Variants in GLB1L3 observed in about 807,000 individuals in gnomAD.
GLB1L3 encodes beta-galactosidase-1-like protein 3.
GLB1L3 carries 89 observed loss-of-function variants against 89.5 expected under a neutral mutation model. The observed-to-expected ratio is 0.99, with a 90% CI of 0.84 to 1.19. The LOEUF is 1.19. Among genes scored for constraint, GLB1L3 ranks in the 50% most tolerant of loss-of-function variants. The pLI is 0.00. For missense variants in GLB1L3, 812 were observed against 813.3 expected (o/e 1.00, Z 0.02); for synonymous variants, 314 against 312.3 (o/e 1.01, Z -0.06).
chr11:134,283,531 C>T (rs1472498791), intron 5 of GLB1L3, among the ~76,000 whole-genome samples: 6 of 152,126 alleles, frequency 3.9e-5, no homozygotes, highest in East Asian at 1.9e-4. Flanking sequence ...GAGGTGGAGG[C>T]GGCCGTTTCC....
intron 10 of GLB1L3, 102 bp from the exon 11 acceptor site, chr11:134,309,524 A>G (rs374724414): frequency 1.3e-6 from 1 of 758,388 alleles, no homozygotes. Context: ...GAGTTACTGT[A>G]ACTGATTGTG....
At chr11:134,283,062 C>A (rs1940785262) in intron 5 of GLB1L3, among the ~76,000 whole-genome samples, 1 of 152,040 alleles carries the variant, frequency 6.6e-6, no homozygotes, top group African/African-American at 2.4e-5. Context: ...TTTCTGTCCC[C>A]AAGAATTTTT....
intron 4 of GLB1L3, among the ~76,000 whole-genome samples, chr11:134,281,758 A>G (rs1335273817): frequency 8.0e-6 from 1 of 124,864 alleles, no homozygotes; most frequent in East Asian, 2.4e-4. Context: ...TAGGCTAGCA[A>G]GGCTATGGGG....
At chr11:134,285,503 T>C (rs1011636530) in intron 6 of GLB1L3, among the ~76,000 whole-genome samples, 1 of 151,864 alleles carries the variant, frequency 6.6e-6, no homozygotes, top group Non-Finnish European at 1.5e-5. Flanking sequence ...ATCTAGATTA[T>C]GGCCTGGCAT....
chr11:134,315,640 G>A (rs1469125625), intron 18 of GLB1L3, among the ~76,000 whole-genome samples: 3 of 152,010 alleles, frequency 2.0e-5, no homozygotes, highest in African/African-American at 2.4e-5. Flanking sequence ...TGGTAGTAAC[G>A]TTCCCCTTGT....
chr11:134,310,366 A>T (rs1942663580), intron 11 of GLB1L3: 1 of 575,468 alleles, frequency 1.7e-6, no homozygotes, highest in South Asian at 2.3e-5. Flanking sequence ...GCCCAGTGTC[A>T]TGGCTTGACA....
chr11:134,313,775 CAT>C (rs1480424978), intron 16 of GLB1L3, among the ~76,000 whole-genome samples, 164 bp from the exon 17 acceptor site: 1 of 152,244 alleles, frequency 6.6e-6, no homozygotes, highest in Admixed American at 6.5e-5. Flanking sequence ...AGTGTGGAAA[CAT>C]ACAGCTAGAA....
rs536133351 is a variant in GLB1L3 at position 134,299,924 on chromosome 11, A to C, written c.876+6715A>C. Among the ~76,000 whole-genome samples the C allele has an allele frequency of 6.6e-5, 10 of 152,138 alleles. No individual in the cohort carries two copies. In the South Asian group the frequency reaches 1.9e-3, roughly 28 times the overall value. The stretch of plus-strand genomic sequence containing the variant: ...ATGCAATGGATTTTATCCAGTTAAG[A>C]TGTCCTTAAGTGACAGCTTCTGTGC... On this transcript the variant is annotated intron_variant, in intron 9 of 19. Coordinates refer to ENST00000431683, the MANE Select transcript of GLB1L3 (RefSeq NM_001080407.3).
At chr11:134,308,208 CCACCACCATCACCAT>C (rs1565412319) in intron 10 of GLB1L3, among the ~76,000 whole-genome samples, 5 of 27,222 alleles carry the variant, frequency 1.8e-4, no homozygotes, top group African/African-American at 6.2e-4. Flanking sequence ...ACCACTACCA[CCACCACCATCACCAT>C]CACCACCACC....
rs1015163813 is a variant in GLB1L3, at chr11:134,319,103, C to T, written c.*161C>T. On this transcript the variant is annotated 3_prime_UTR_variant, in exon 20 of 20. Transcript: ENST00000431683. ...CCCAGCAGCTGGGACTACAGGTGCA[C>T]GCCACCACGCCTGGCTAATTTTTTG... The T allele has an allele frequency of 9.5e-5, 56 of 587,806 alleles. 1 individual carries two copies. Among genetic ancestry groups the T allele is most frequent in the African/African-American group, 5.4e-4 (29 of 53,390 alleles). 36.4% of individuals were successfully genotyped at this position (587,806 alleles called of 1,614,324 possible).
Position 134,277,309 on chromosome 11 carries a change from G to T in GLB1L3, c.24-17G>T. 6.2e-7 allele frequency: 1 copy of T among 1,613,800 alleles called. No individual in the cohort carries two copies. Among genetic ancestry groups the T allele is most frequent in the Non-Finnish European group, 8.5e-7 (1 of 1,179,868 alleles). ...CCGGAACCTTCCCCTTGTCACTGTT[G>T]TCCTTTCTCCTTTCAGCCCGTGTCT... On this transcript the variant is annotated splice_polypyrimidine_tract_variant and intron_variant, in intron 1 of 19. Coordinates refer to ENST00000431683, the MANE Select transcript of GLB1L3 (RefSeq NM_001080407.3).
Position 134,314,184 on chromosome 11 carries a change from T to C in GLB1L3, c.1668-146T>C, listed in dbSNP as rs952290881. On this transcript the variant is annotated intron_variant, in intron 17 of 19. Coordinates refer to ENST00000431683, the MANE Select transcript of GLB1L3 (RefSeq NM_001080407.3). ...GTCAGAACTAGGGCCCTGGAACAAG[T>C]GTCCTGATTCTGATCTTAACGCATC... The C allele has an allele frequency of 3.3e-5, 24 of 733,648 alleles. No individual in the cohort carries two copies. In the East Asian group the frequency reaches 4.8e-4, roughly 15 times the overall value. The allele number at this position is 733,648 out of a possible 1,614,324, so 45.4% of individuals were successfully genotyped here. A position where few individuals can be genotyped will look rare whatever the true frequency, so the allele number is the denominator to read the frequency against.
chr11:134,290,579 C>CACA lies in GLB1L3; in HGVS notation c.730-1552_730-1551insCAA, dbSNP rs1941301708. Reference sequence around the variant, plus strand: ...CAGAGTGAGACTCGTCCCCCCCCGCCAAAAAAAAAGAAAAGAAAAAAAAAG... The same window carrying CACA: ...CAGAGTGAGACTCGTCCCCCCCCGCCACAAAAAAAAAAGAAAAGAAAAAAAAAG... On this transcript the variant is annotated intron_variant, in intron 7 of 19. Transcript: ENST00000431683. Among the ~76,000 whole-genome samples, 3 of 117,138 alleles carry CACA rather than the reference C, an allele frequency of 2.6e-5. No homozygotes were observed. The East Asian group carries it at 7.2e-4, about 28-fold the overall frequency. 76.8% of individuals were successfully genotyped at this position (117,138 alleles called of 152,430 possible). A position where few individuals can be genotyped will look rare whatever the true frequency, so the allele number is the denominator to read the frequency against.
chr11:134,308,673 C>CCAA (rs1555080631), intron 10 of GLB1L3, among the ~76,000 whole-genome samples: 6 of 150,440 alleles, frequency 4.0e-5, no homozygotes, highest in Non-Finnish European at 7.4e-5. Context: ...ACCACCACCA[C>CCAA]CAACACCACC....
intron 6 of GLB1L3, among the ~76,000 whole-genome samples, chr11:134,286,297 G>A (rs1940979245): frequency 6.6e-6 from 1 of 152,206 alleles, no homozygotes; most frequent in Non-Finnish European, 1.5e-5. Flanking sequence ...GAATGGTGTT[G>A]CTGCAATACA....
intron 9 of GLB1L3, among the ~76,000 whole-genome samples, chr11:134,297,998 C>T (rs1230357315): frequency 1.3e-5 from 2 of 151,716 alleles, no homozygotes; most frequent in Non-Finnish European, 2.9e-5. Flanking sequence ...ATTCCCCACT[C>T]TAAAGATGTC....
chr11:134,321,918 TAA>T (rs34751396), downstream of GLB1L3, among the ~76,000 whole-genome samples: 1 of 147,896 alleles, frequency 6.8e-6, no homozygotes, highest in Non-Finnish European at 1.5e-5. Context: ...TAAAGTATAA[TAA>T]AAAAAAAAGT....
intron 9 of GLB1L3, chr11:134,305,375 G>C (rs1942152238): frequency 2.1e-6 from 1 of 466,818 alleles, no homozygotes; most frequent in Non-Finnish European, 3.8e-6. Flanking sequence ...CTTCGACAAA[G>C]AGCATTCTCT....
At position 134,277,749 on chromosome 11, in the gene GLB1L3, G is replaced by C; in HGVS notation, c.199G>C (p.Gly67Arg). 1 of 1,613,472 alleles carries C rather than the reference G, an allele frequency of 6.2e-7. No individual in the cohort carries two copies. Residue 67 changes from glycine to arginine, a missense_variant, in exon 3 of 20, where the codon GGA (glycine) becomes CGA (arginine). Coordinates refer to ENST00000431683, the MANE Select transcript of GLB1L3 (RefSeq NM_001080407.3). ...TPLELKNRSVGLGTESTGRGK... is the reference protein window; with the variant it reads ...TPLELKNRSVRLGTESTGRGK... ...TCTGGAGCTGAAGAATCGATCTGTG[G>C]GACTTGGAACTGAAAGCACAGGTCG...
Sources: gnomAD v4.1 joint callset for allele counts (sites outside exome capture counted in the v4.1 genomes callset) on GRCh38, gnomAD v4.1.1 for gene constraint, MANE v1.5 for transcripts, NCBI Gene and HGNC (gene_info 2026-07-23, HGNC 2026-07-21) for gene names.